The following CALD1 variants were observed in gnomAD, a reference collection of about 807,000 sequenced individuals.
CALD1 encodes caldesmon.
Under a neutral mutation model 99.9 loss-of-function variants are expected in CALD1, and 33 were observed. That is an observed-to-expected ratio of 0.33 (90% CI 0.25 to 0.44). CALD1 has a LOEUF of 0.44. Ranked by LOEUF, CALD1 falls within the 20% of genes least tolerant of loss-of-function variation. CALD1 has a pLI of 1.00. For missense variants in CALD1, 861 were observed against 962.1 expected, an observed-to-expected ratio of 0.89 and a Z score of 1.39; for synonymous variants, 310 against 325.0, an observed-to-expected ratio of 0.95 and a Z score of 0.50.
At chr7:134,792,188 G>A (rs1797561846) in intron 1 of CALD1, among the ~76,000 whole-genome samples, 1 of 151,986 alleles carries the variant, frequency 6.6e-6, no homozygotes, top group Non-Finnish European at 1.5e-5. Flanking sequence ...TGTGAGGGAA[G>A]TCTCTGTTCC....
upstream of CALD1, among the ~76,000 whole-genome samples, chr7:134,740,174 GCT>G (rs1796581270): frequency 6.6e-6 from 1 of 152,048 alleles, no homozygotes; most frequent in Non-Finnish European, 1.5e-5. Flanking sequence ...TATGCTGAGG[GCT>G]CTGCAATTGA....
chr7:134,730,299 T>A, the CALD1 span, among the ~76,000 whole-genome samples: 2 of 148,684 alleles, frequency 1.3e-5, no homozygotes, highest in East Asian at 2.1e-4. Context: ...CCAGAAACAT[T>A]AGAGGATAAG....
chr7:134,928,676 A>G lies in CALD1; in HGVS notation c.72-78A>G, dbSNP rs1205674516. On this transcript the variant is annotated intron_variant, in intron 3 of 14. Transcript: ENST00000361675. Reference sequence around the variant, plus strand: ...AGCAGTGAAGTTCAGAAAAGGGCTCAGGGCTGTTCCTGCCAAGAGGTTGGT... The same window carrying G: ...AGCAGTGAAGTTCAGAAAAGGGCTCGGGGCTGTTCCTGCCAAGAGGTTGGT... 6 of 1,408,568 alleles carry G rather than the reference A, an allele frequency of 4.3e-6. No individual in the cohort carries two copies. The Admixed American group carries it at 1.0e-4, about 24-fold the overall frequency. 87.3% of individuals were successfully genotyped at this position (1,408,568 alleles called of 1,614,324 possible). A position where few individuals can be genotyped will look rare whatever the true frequency, so the allele number is the denominator to read the frequency against.
chr7:134,791,351 C>G (rs1797525884), intron 1 of CALD1, among the ~76,000 whole-genome samples: 1 of 152,210 alleles, frequency 6.6e-6, no homozygotes, highest in African/African-American at 2.4e-5. Flanking sequence ...CACACGCCAC[C>G]ATGCCCAGTT....
intron 3 of CALD1, among the ~76,000 whole-genome samples, chr7:134,883,790 G>A (rs766657997): frequency 1.1e-4 from 17 of 152,174 alleles, no homozygotes; most frequent in African/African-American, 1.7e-4. Flanking sequence ...TGTAATCCAC[G>A]ATATTAGTGA....
chr7:134,848,485 G>A (rs1799944820), intron 2 of CALD1, among the ~76,000 whole-genome samples: 1 of 152,192 alleles, frequency 6.6e-6, no homozygotes, highest in African/African-American at 2.4e-5. Flanking sequence ...GAGCAGTGAA[G>A]AAGGCCAATG....
chr7:134,748,126 G>A (rs6957974), intron 1 of CALD1, among the ~76,000 whole-genome samples: 84,544 of 152,212 alleles, frequency 0.56, 24,759 homozygotes, highest in East Asian at 0.84. Flanking sequence ...GATTATGCTT[G>A]AGCATTAAGA....
intron 1 of CALD1, among the ~76,000 whole-genome samples, chr7:134,790,823 A>G (rs1797499290): frequency 6.6e-6 from 1 of 152,252 alleles, no homozygotes; most frequent in Non-Finnish European, 1.5e-5. Flanking sequence ...ATTAGGCACT[A>G]AAGGATTCAA....
chr7:134,760,956 C>A (rs1331113454), intron 1 of CALD1, among the ~76,000 whole-genome samples: 3 of 152,112 alleles, frequency 2.0e-5, no homozygotes, highest in African/African-American at 7.2e-5. Flanking sequence ...TGAGCACTAG[C>A]AACTCAGTAC....
At chr7:134,921,326 A>G (rs966923825) in intron 3 of CALD1, among the ~76,000 whole-genome samples, 3 of 152,246 alleles carry the variant, frequency 2.0e-5, no homozygotes, top group Non-Finnish European at 2.9e-5. Context: ...AGTATAAGCA[A>G]TTGTCATGAG....
chr7:134,928,762 A>C lies in CALD1; in HGVS notation c.80A>C (p.Tyr27Ser). Reference sequence around the variant, plus strand: ...TCTTTGTAATGTTGCAGAATCGCCTACCAGAGGAATGACGATGATGAAGAG... The same window carrying C: ...TCTTTGTAATGTTGCAGAATCGCCTCCCAGAGGAATGACGATGATGAAGAG... ...EMRLEAERIA[Y>S]QRNDDDEEEA... The change falls in exon 4 of 15, where the codon TAC becomes TCC. Residue 27 changes from tyrosine (Y) to serine (S), a missense_variant. Transcript: ENST00000361675. The C allele has an allele frequency of 6.2e-7, 1 of 1,613,714 alleles. No homozygotes were observed. Among genetic ancestry groups the C allele is most frequent in the Non-Finnish European group, 8.5e-7 (1 of 1,179,862 alleles).
intron 2 of CALD1, among the ~76,000 whole-genome samples, chr7:134,859,256 C>T (rs1473061686): frequency 1.3e-5 from 2 of 152,146 alleles, no homozygotes; most frequent in African/African-American, 2.4e-5. Flanking sequence ...ATTGTGAATG[C>T]CTCTGTTAGT....
the CALD1 span, among the ~76,000 whole-genome samples, chr7:134,728,152 G>A: frequency 1.7e-5 from 1 of 59,658 alleles, no homozygotes; most frequent in African/African-American, 7.2e-5. Flanking sequence ...TCAATGTAGA[G>A]AATGACGTTG....
rs751500848 is a variant in CALD1, at chr7:134,934,100, A to G, written c.1308+23A>G. ...CAGGTACAGTAAACATTTTGCACCA[A>G]ATGTGTGATGCCTGTGACTTGTGAG... On this transcript the variant is annotated intron_variant, in intron 5 of 14. Coordinates refer to ENST00000361675, the MANE Select transcript of CALD1 (RefSeq NM_033138.4). The G allele has an allele frequency of 1.6e-5, 26 of 1,587,990 alleles. No homozygotes were observed. The South Asian group carries it at 1.7e-4, about 11-fold the overall frequency.
chr7:134,831,303 G>A (rs980211554), intron 1 of CALD1, among the ~76,000 whole-genome samples: 4 of 151,974 alleles, frequency 2.6e-5, no homozygotes, highest in Non-Finnish European at 4.4e-5. Flanking sequence ...AGAGACTTTA[G>A]AATTATTTTC....
chr7:134,836,165 A>C (rs1799430792), intron 1 of CALD1, among the ~76,000 whole-genome samples: 1 of 146,276 alleles, frequency 6.8e-6, no homozygotes, highest in South Asian at 2.1e-4. Context: ...AAAAAAAAAA[A>C]AGATAAATGA....
At chr7:134,791,051 AGGTG>A (rs1797510167) in intron 1 of CALD1, among the ~76,000 whole-genome samples, 1 of 109,330 alleles carries the variant, frequency 9.1e-6, no homozygotes, top group African/African-American at 3.9e-5. Context: ...TCACCTTCCC[AGGTG>A]AGATACTACT....
At chr7:134,861,199 G>T (rs1253060501) in intron 2 of CALD1, among the ~76,000 whole-genome samples, 1 of 152,160 alleles carries the variant, frequency 6.6e-6, no homozygotes, top group Non-Finnish European at 1.5e-5. Flanking sequence ...TCTCCAACCA[G>T]CTCACTTTAT....
At chr7:134,957,174 G>A (rs184365629) in intron 9 of CALD1, among the ~76,000 whole-genome samples, 36 of 152,184 alleles carry the variant, frequency 2.4e-4, no homozygotes, top group African/African-American at 7.2e-4. Context: ...CGCCTTTTAC[G>A]TTCCAAGGCT....
Sources: gnomAD v4.1 joint callset for allele counts (sites outside exome capture counted in the v4.1 genomes callset) on GRCh38, gnomAD v4.1.1 for gene constraint, MANE v1.5 for transcripts, NCBI Gene and HGNC (gene_info 2026-07-23, HGNC 2026-07-21) for gene names.